CTNNA2: variants seen among roughly 807,000 people sequenced by gnomAD.
The protein encoded by CTNNA2 is catenin alpha 2, also known as catenin alpha-2.
In CTNNA2, 42 loss-of-function variants were observed where a neutral mutation model predicts 101.0. The observed-to-expected ratio is 0.42, with a 90% CI of 0.32 to 0.54. The LOEUF (loss-of-function observed/expected upper bound fraction) is 0.54, where lower values mean the gene tolerates loss of function less well. Among genes scored for constraint, CTNNA2 ranks in the 20% least tolerant of loss-of-function variants. The pLI is 0.14. For synonymous variants in CTNNA2, 450 were observed against 456.4 expected (o/e 0.99, Z 0.18); for missense variants, 871 against 1,223.1 (o/e 0.71, Z 4.29).
intron 7 of CTNNA2, among the ~76,000 whole-genome samples, chr2:80,250,204 A>AGTGTGTGTGT (rs56664173): frequency 5.2e-5 from 5 of 96,392 alleles, no homozygotes; most frequent in African/African-American, 1.2e-4. Flanking sequence ...AGAGAGAGAG[A>AGTGTGTGTGT]GTGTGTGTGT....
rs967563571 is a variant in CTNNA2 at position 80,069,075 on chromosome 2, G to A, written c.1056+159278G>A. Among the ~76,000 whole-genome samples, 6 of 152,262 alleles carry A rather than the reference G, an allele frequency of 3.9e-5. No individual in the cohort carries two copies. The Middle Eastern group carries it at 0.01, about 259-fold the overall frequency. On this transcript the variant is annotated intron_variant, in intron 7 of 18. Coordinates refer to ENST00000402739, the MANE Select transcript of CTNNA2 (RefSeq NM_001282597.3). ...TAGGCTTAAGAACTAGGAACACAGG[G>A]GAAGCCTAAGGCTGGGGGCAACTGA...
At chr2:79,652,860 A>G (rs1024354570) in intron 2 of CTNNA2, among the ~76,000 whole-genome samples, 10 of 152,206 alleles carry the variant, frequency 6.6e-5, no homozygotes, top group Non-Finnish European at 1.0e-4. Context: ...CATAGCATCA[A>G]CTCAAGTTCA....
chr2:79,449,867 T>C (rs1678869783), intron 4 of CTNNA2, among the ~76,000 whole-genome samples: 1 of 152,002 alleles, frequency 6.6e-6, no homozygotes, highest in African/African-American at 2.4e-5. Context: ...ACACTCAAAA[T>C]ATATGGATAC....
In CTNNA2 at chr2:79,248,886, C is replaced by T. The variant is rs80000983; in HGVS notation, c.-406+50810C>T. Among the ~76,000 whole-genome samples, 540 of 152,258 alleles carry T rather than the reference C, an allele frequency of 3.5e-3. 13 individuals carry two copies. In the East Asian group the frequency reaches 0.061, roughly 17 times the overall value. ...CCTTCCCTTCCCTTTTAAATGTTTT[C>T]GTCTTTCAGTTATTTCAGCACCCTA... On this transcript the variant is annotated intron_variant, in intron 2 of 21. Transcript: ENST00000466387.
rs540411643 is a variant in CTNNA2, at chr2:80,588,956, C to G, written c.2008-348C>G. On this transcript the variant is annotated intron_variant, in intron 14 of 18. Transcript: ENST00000402739. ...CAGTGTTGAAAGAGGTGCATTCTTT[C>G]ATCTGGTAAAAGTTTCCTGAGACCA... Among the ~76,000 whole-genome samples, 2 of 152,240 alleles carry G rather than the reference C, an allele frequency of 1.3e-5. 1 individual carries two copies. Among genetic ancestry groups the G allele is most frequent in the Middle Eastern group, 6.8e-3 (2 of 294 alleles).
chr2:80,033,666 A>T (rs544609495), intron 7 of CTNNA2, among the ~76,000 whole-genome samples: 1 of 152,210 alleles, frequency 6.6e-6, no homozygotes, highest in East Asian at 1.9e-4. Flanking sequence ...AGCAAATTAG[A>T]CAATGAATGA....
chr2:80,596,434 C>T (rs184187398), intron 15 of CTNNA2, among the ~76,000 whole-genome samples: 1,910 of 150,364 alleles, frequency 0.013, 41 homozygotes, highest in African/African-American at 0.042. Flanking sequence ...CTCAGCCTCC[C>T]GAGTAGCTGG....
At chr2:80,639,738 C>G (rs1260131839) in intron 18 of CTNNA2, among the ~76,000 whole-genome samples, 1 of 151,960 alleles carries the variant, frequency 6.6e-6, no homozygotes, top group South Asian at 2.1e-4. Context: ...GGTATTAGTA[C>G]AAAAAAGTGC....
At chr2:79,325,533 T>TA (rs1279756681) in intron 3 of CTNNA2, among the ~76,000 whole-genome samples, 5 of 152,214 alleles carry the variant, frequency 3.3e-5, no homozygotes, top group Non-Finnish European at 5.9e-5. Context: ...TAAAACAAGA[T>TA]AGTCACTGTC....
At chr2:79,702,060 G>C (rs1378078312) in intron 2 of CTNNA2, among the ~76,000 whole-genome samples, 1 of 131,650 alleles carries the variant, frequency 7.6e-6, no homozygotes, top group Non-Finnish European at 1.6e-5. Context: ...GAGGTAACAA[G>C]AACAGGCCCC....
Position 80,205,509 on chromosome 2 carries a change from A to T in CTNNA2, c.1057-187702A>T, listed in dbSNP as rs185650179. ...AAATTCATTTCAGAAGGTAAAGAAG[A>T]TGGATAATTTATGGTGAAAAATTTC... On this transcript the variant is annotated intron_variant, in intron 7 of 18. Transcript: ENST00000402739. Among the ~76,000 whole-genome samples, 5 of 152,370 alleles carry T rather than the reference A, an allele frequency of 3.3e-5. No individual in the cohort carries two copies. The East Asian group carries it at 5.8e-4, about 18-fold the overall frequency.
chr2:80,170,569 T>C (rs1704991870), intron 7 of CTNNA2, among the ~76,000 whole-genome samples: 1 of 152,108 alleles, frequency 6.6e-6, no homozygotes, highest in Non-Finnish European at 1.5e-5. Flanking sequence ...TTGTAGTGTT[T>C]CAAAAACAGG....
intron 2 of CTNNA2, among the ~76,000 whole-genome samples, chr2:79,296,010 G>T (rs1005709921): frequency 7.8e-6 from 1 of 128,428 alleles, no homozygotes; most frequent in Non-Finnish European, 1.6e-5. Context: ...CAGAAATTTT[G>T]TATTCTCTTC....
At chr2:79,807,184 A>G (rs1194007066) in intron 3 of CTNNA2, among the ~76,000 whole-genome samples, 2 of 152,094 alleles carry the variant, frequency 1.3e-5, no homozygotes, top group Admixed American at 1.3e-4. Context: ...CATCCATTCT[A>G]CTAGACTGGG....
At chr2:79,649,467 A>G (rs533543830) in intron 1 of CTNNA2, 16 of 154,914 alleles carry the variant, frequency 1.0e-4, no homozygotes, top group African/African-American at 2.9e-4. Context: ...CAGCTGTATC[A>G]TAAGTACTGG....
At chr2:80,083,051 T>C (rs1478016623) in intron 7 of CTNNA2, among the ~76,000 whole-genome samples, 1 of 152,106 alleles carries the variant, frequency 6.6e-6, no homozygotes. Context: ...TGAAAAAATA[T>C]AAGGTTTTCA....
At chr2:80,168,615 C>A (rs1704848931) in intron 7 of CTNNA2, among the ~76,000 whole-genome samples, 1 of 152,118 alleles carries the variant, frequency 6.6e-6, no homozygotes, top group Non-Finnish European at 1.5e-5. Flanking sequence ...TGTTTCCAGG[C>A]CATAATATCC....
intron 12 of CTNNA2, among the ~76,000 whole-genome samples, chr2:80,570,302 G>A (rs1410748269): frequency 1.3e-5 from 2 of 152,188 alleles, no homozygotes; most frequent in African/African-American, 2.4e-5. Context: ...ACCCACCTTG[G>A]CTTCCCAAAG....
rs77314907 is a variant in CTNNA2, at chr2:79,762,619, T to C, written c.298+18037T>C. ...AAGATAATTTATCTACTTCTTCTGG[T>C]ATTCAGGCAAGACCTGGTCAAAAAT... On this transcript the variant is annotated intron_variant, in intron 3 of 18. Transcript: ENST00000402739. Among the ~76,000 whole-genome samples, 595 of 152,312 alleles carry C rather than the reference T, an allele frequency of 3.9e-3. 8 individuals are homozygous for C. Among genetic ancestry groups the C allele is most frequent in the African/African-American group, 0.014 (575 of 41,564 alleles).
Sources: allele counts gnomAD v4.1 joint callset (sites outside exome capture counted in the v4.1 genomes callset), GRCh38; gene constraint gnomAD v4.1.1; transcripts MANE v1.5; gene names NCBI Gene and HGNC (gene_info 2026-07-23, HGNC 2026-07-21).